Variants in RHCE observed in about 807,000 individuals in gnomAD.
RHCE encodes blood group Rh(CE) polypeptide.
RHCE carries 22 observed loss-of-function variants against 43.8 expected under a neutral mutation model. The observed-to-expected ratio is 0.50, with a 90% CI of 0.36 to 0.72. RHCE has a LOEUF of 0.72. Among genes scored for constraint, RHCE ranks in the 30% least tolerant of loss-of-function variants. The pLI is 0.00. For synonymous variants in RHCE, 156 were observed against 210.7 expected, an observed-to-expected ratio of 0.74 and a Z score of 2.25; for missense variants, 385 against 525.4, an observed-to-expected ratio of 0.73 and a Z score of 2.61.
chr1:25,377,804 C>A (rs939532788), intron 7 of RHCE, among the ~76,000 whole-genome samples: 5 of 152,174 alleles, frequency 3.3e-5, no homozygotes, highest in South Asian at 2.1e-4. Context: ...ACTCAGGAGG[C>A]TGAAGTATGA....
intron 6 of RHCE, among the ~76,000 whole-genome samples, chr1:25,387,267 T>C (rs532067553): frequency 6.6e-6 from 1 of 152,174 alleles, no homozygotes; most frequent in Non-Finnish European, 1.5e-5. Context: ...CTAATACTAC[T>C]TCTCTGTCAA....
In RHCE at chr1:25,387,977, C is replaced by T. The variant is rs554480630; in HGVS notation, c.939+999G>A. 1.1e-4 allele frequency among the ~76,000 whole-genome samples: 17 copies of T among 152,184 alleles called. No homozygotes were observed. The South Asian group carries it at 1.2e-3, about 11-fold the overall frequency. On this transcript the variant is annotated intron_variant, in intron 6 of 9. Coordinates refer to ENST00000294413, the MANE Select transcript of RHCE (RefSeq NM_020485.8). The stretch of plus-strand genomic sequence containing the variant: ...CTAAGATGACAGGTGCCCGCCACCA[C>T]GCCTGGCTAATTTTTGTACTTTTAG...
At chr1:25,401,792 T>C (rs992541024) in intron 3 of RHCE, among the ~76,000 whole-genome samples, 4 of 152,362 alleles carry the variant, frequency 2.6e-5, no homozygotes, top group African/African-American at 9.6e-5. Flanking sequence ...AGGCACTGGT[T>C]TGTTGTGTTT....
chr1:25,423,745 A>G (rs1200737564), upstream of RHCE, among the ~76,000 whole-genome samples: 1 of 152,232 alleles, frequency 6.6e-6, no homozygotes, highest in Non-Finnish European at 1.5e-5. Flanking sequence ...GGGATCTAGG[A>G]TAGATAAGTC....
intron 3 of RHCE, among the ~76,000 whole-genome samples, chr1:25,392,924 G>T (rs58114508): frequency 0.01 from 1,550 of 152,168 alleles, 25 homozygotes; most frequent in African/African-American, 0.035. Flanking sequence ...AACCCACATG[G>T]ACACGCACTT....
chr1:25,416,222 C>T (rs1315359989), intron 1 of RHCE, among the ~76,000 whole-genome samples: 3 of 152,106 alleles, frequency 2.0e-5, no homozygotes, highest in African/African-American at 4.8e-5. Flanking sequence ...CTATATTCTT[C>T]ATGTTGCAAC....
upstream of RHCE, chr1:25,420,987 G>A (rs2042753107): frequency 1.0e-4 from 72 of 692,788 alleles, 3 homozygotes; most frequent in South Asian, 1.3e-3. Context: ...GGAAATGTAT[G>A]TTTTCCAATA....
Position 25,385,598 on chromosome 1 carries a change from C to T in RHCE, c.1073+113G>A, listed in dbSNP as rs1646129100. ...ATCAGCCAACAAATATTCACCGAAG[C>T]CTACTGAGCACCTGGCCCCGAGTGC... On this transcript the variant is annotated intron_variant, in intron 7 of 9. Coordinates refer to ENST00000294413, the MANE Select transcript of RHCE (RefSeq NM_020485.8). 11 of 1,456,518 alleles carry T rather than the reference C, an allele frequency of 7.6e-6. No homozygotes were observed. The African/African-American group carries it at 1.1e-4, about 15-fold the overall frequency. 90.2% of individuals were successfully genotyped at this position (1,456,518 alleles called of 1,614,324 possible).
At chr1:25,370,704 C>G (rs1645580521) in intron 8 of RHCE, among the ~76,000 whole-genome samples, 164 bp from the exon 9 acceptor site, 1 of 150,634 alleles carries the variant, frequency 6.6e-6, no homozygotes, top group South Asian at 2.1e-4. Flanking sequence ...ATTCCTGGAC[C>G]AGCTTAATTC....
chr1:25,400,050 T>C (rs930466173), intron 3 of RHCE, among the ~76,000 whole-genome samples: 45 of 152,330 alleles, frequency 3.0e-4, no homozygotes, highest in African/African-American at 9.9e-4. Context: ...CCTAAAGGTA[T>C]CAGTGCTCAA....
chr1:25,380,222 G>T, intron 7 of RHCE, among the ~76,000 whole-genome samples: 1 of 140,062 alleles, frequency 7.1e-6, no homozygotes, highest in Non-Finnish European at 1.5e-5. Flanking sequence ...CTGGTTCCAG[G>T]AAAGTACAAA....
At chr1:25,420,281 C>T (rs1045187899) in intron 1 of RHCE, among the ~76,000 whole-genome samples, 1 of 151,990 alleles carries the variant, frequency 6.6e-6, no homozygotes, top group East Asian at 1.9e-4. Context: ...CACTTGTATC[C>T]CCTAAATCTA....
At chr1:25,413,235 T>G (rs1025090612) in intron 1 of RHCE, among the ~76,000 whole-genome samples, 1 of 152,162 alleles carries the variant, frequency 6.6e-6, no homozygotes. Flanking sequence ...ACAGAGCTCA[T>G]GCACCCCAAA....
At chr1:25,400,708 C>T (rs1310422922) in intron 3 of RHCE, among the ~76,000 whole-genome samples, 2 of 151,646 alleles carry the variant, frequency 1.3e-5, no homozygotes, top group Non-Finnish European at 2.9e-5. Flanking sequence ...CACATCTCTA[C>T]CCGCCCCAAC....
intron 2 of RHCE, among the ~76,000 whole-genome samples, chr1:25,427,800 TCA>T (rs1413243288): frequency 6.6e-6 from 1 of 152,224 alleles, no homozygotes; most frequent in African/African-American, 2.4e-5. Context: ...CCTCTCAGCC[TCA>T]GTTTTCTCAT....
intron 7 of RHCE, among the ~76,000 whole-genome samples, chr1:25,375,901 C>T (rs1479946857): frequency 2.1e-5 from 3 of 146,260 alleles, no homozygotes; most frequent in Admixed American, 6.9e-5. Flanking sequence ...CAGGTTCAAG[C>T]GATTCTTGTG....
rs192343038 is a variant in RHCE at position 25,410,080 on chromosome 1, A to G, written c.149-1211T>C. 5.4e-3 allele frequency among the ~76,000 whole-genome samples: 817 copies of G among 152,170 alleles called. 8 individuals are homozygous for G. Among genetic ancestry groups the G allele is most frequent in the African/African-American group, 0.018 (750 of 41,462 alleles). Reference sequence around the variant, plus strand: ...CCCGGCTAATTTTTGTATTTTTAATAGAGAAGGGGTTTCACTATGTTGGCC... The same window carrying G: ...CCCGGCTAATTTTTGTATTTTTAATGGAGAAGGGGTTTCACTATGTTGGCC... On this transcript the variant is annotated intron_variant, in intron 1 of 9. Coordinates refer to ENST00000294413, the MANE Select transcript of RHCE (RefSeq NM_020485.8).
chr1:25,416,135 C>G (rs1647400316), intron 1 of RHCE, among the ~76,000 whole-genome samples: 2 of 152,092 alleles, frequency 1.3e-5, no homozygotes, highest in African/African-American at 2.4e-5. Context: ...GGATGTCATA[C>G]AGCCTTGAGT....
intron 1 of RHCE, among the ~76,000 whole-genome samples, chr1:25,414,380 A>G (rs1647219249): frequency 6.6e-6 from 1 of 152,048 alleles, no homozygotes; most frequent in South Asian, 2.1e-4. Context: ...CCCAGGCTCT[A>G]GGGTTGACCT....
Sources: gnomAD v4.1 joint callset for allele counts (sites outside exome capture counted in the v4.1 genomes callset) on GRCh38, gnomAD v4.1.1 for gene constraint, MANE v1.5 for transcripts, NCBI Gene and HGNC (gene_info 2026-07-23, HGNC 2026-07-21) for gene names.